The following HIP1 variants were observed in gnomAD, a reference collection of about 807,000 sequenced individuals.
HIP1 encodes the protein huntingtin interacting protein 1.
In HIP1, 65 loss-of-function variants were observed where a neutral mutation model predicts 147.6. The ratio of observed to expected loss-of-function variants is 0.44; its 90% CI spans 0.36 to 0.54. The LOEUF is 0.54. HIP1 is among the 20% of genes least tolerant of loss of function. HIP1 has a pLI of 0.00. For missense variants in HIP1, 1,061 were observed against 1,299.6 expected, an observed-to-expected ratio of 0.82 and a Z score of 2.82; for synonymous variants, 479 against 504.0, an observed-to-expected ratio of 0.95 and a Z score of 0.67.
intron 25 of HIP1, among the ~76,000 whole-genome samples, chr7:75,546,712 G>A (rs587751890): frequency 6.6e-6 from 1 of 152,328 alleles, no homozygotes; most frequent in African/African-American, 2.4e-5. Context: ...TTCCAACAAT[G>A]TCTGCCTGTG....
At chr7:75,625,781 G>C (rs1798013746) in intron 1 of HIP1, 1 of 152,116 alleles carries the variant, frequency 6.6e-6, no homozygotes, top group African/African-American at 2.4e-5. Flanking sequence ...TATAAAAGAG[G>C]CTTTGGAGGC....
intron 1 of HIP1, among the ~76,000 whole-genome samples, chr7:75,657,915 T>A (rs1584926104): frequency 6.6e-6 from 1 of 151,880 alleles, no homozygotes; most frequent in Non-Finnish European, 1.5e-5. Flanking sequence ...CACACGCACA[T>A]ACACATTTAA....
At chr7:75,666,459 C>T (rs559187994) in intron 1 of HIP1, among the ~76,000 whole-genome samples, 5 of 152,160 alleles carry the variant, frequency 3.3e-5, no homozygotes, top group South Asian at 2.1e-4. Flanking sequence ...CGTGAGCCAC[C>T]GTGCCAGGCC....
intron 1 of HIP1, among the ~76,000 whole-genome samples, chr7:75,708,265 T>C (rs958851495): frequency 7.2e-5 from 11 of 152,224 alleles, no homozygotes; most frequent in Non-Finnish European, 2.9e-5. Flanking sequence ...TTATCAGATA[T>C]ATGATATACA....
At chr7:75,719,658 T>G (rs1349984702) in intron 1 of HIP1, among the ~76,000 whole-genome samples, 1 of 152,142 alleles carries the variant, frequency 6.6e-6, no homozygotes, top group Non-Finnish European at 1.5e-5. Context: ...TGGGCTCAAG[T>G]GATCCACTCG....
rs149935447 is a variant in HIP1, at chr7:75,679,747, G to A, written c.120+59054C>T. On this transcript the variant is annotated intron_variant, in intron 1 of 30. Transcript: ENST00000336926. ...CTCAAGGTAGACCCAGCCCCACTTC[G>A]TCCTCTGCACTCTCTCCCTTGGTGG... 1.0e-2 allele frequency among the ~76,000 whole-genome samples: 1,515 copies of A among 151,934 alleles called. 36 individuals carry two copies. The highest frequency in any genetic ancestry group is 0.035 in the African/African-American group (1,450 of 41,416).
chr7:75,710,607 G>T (rs1014104248), intron 1 of HIP1, among the ~76,000 whole-genome samples: 10 of 152,102 alleles, frequency 6.6e-5, no homozygotes, highest in African/African-American at 9.7e-5. Flanking sequence ...ATCTTGTAAA[G>T]CCAGGCATGG....
chr7:75,724,184 T>C (rs957712746), intron 1 of HIP1, among the ~76,000 whole-genome samples: 3 of 151,760 alleles, frequency 2.0e-5, no homozygotes, highest in African/African-American at 7.2e-5. Flanking sequence ...CTCGAACTCC[T>C]GACCTCAGGT....
chr7:75,715,450 G>GAC (rs142882862), intron 1 of HIP1, among the ~76,000 whole-genome samples: 14 of 138,450 alleles, frequency 1.0e-4, no homozygotes, highest in African/African-American at 2.8e-4. Flanking sequence ...GGGAGAGAGA[G>GAC]ACACACACAG....
intron 1 of HIP1, among the ~76,000 whole-genome samples, chr7:75,677,603 T>TAAAA (rs60860713): frequency 1.1e-5 from 1 of 94,498 alleles, no homozygotes; most frequent in Non-Finnish European, 2.0e-5. Context: ...AGACTCCATC[T>TAAAA]AAAAAAAAAA....
At chr7:75,721,982 C>T (rs1554521494) in intron 1 of HIP1, among the ~76,000 whole-genome samples, 1 of 151,864 alleles carries the variant, frequency 6.6e-6, no homozygotes, top group African/African-American at 2.4e-5. Context: ...ACTAGTGTAA[C>T]TGACAGTGTA....
intron 8 of HIP1, among the ~76,000 whole-genome samples, chr7:75,570,629 G>C (rs2116877182): frequency 6.6e-6 from 1 of 152,158 alleles, no homozygotes; most frequent in South Asian, 2.1e-4. Flanking sequence ...ACGAACAAAG[G>C]GAAAATGGAA....
chr7:75,561,644 TG>T (rs1274623661), intron 12 of HIP1, among the ~76,000 whole-genome samples: 2 of 152,270 alleles, frequency 1.3e-5, no homozygotes, highest in East Asian at 3.9e-4. Context: ...TTTTTGTGTG[TG>T]TTTTCGGTTT....
chr7:75,677,603 TA>T (rs60860713), intron 1 of HIP1, among the ~76,000 whole-genome samples: 55,913 of 94,462 alleles, frequency 0.59, 15,664 homozygotes, highest in African/African-American at 0.68. Flanking sequence ...AGACTCCATC[TA>T]AAAAAAAAAA....
At chr7:75,632,762 A>C (rs1051129802) in intron 1 of HIP1, among the ~76,000 whole-genome samples, 2 of 152,110 alleles carry the variant, frequency 1.3e-5, no homozygotes, top group Non-Finnish European at 2.9e-5. Flanking sequence ...TGGACTATGC[A>C]ACTGACCGTA....
chr7:75,572,692 C>A (rs1795689137), intron 8 of HIP1, among the ~76,000 whole-genome samples: 1 of 152,224 alleles, frequency 6.6e-6, no homozygotes, highest in Non-Finnish European at 1.5e-5. Context: ...CAAGTTGTGA[C>A]TGCAGATCTG....
chr7:75,649,974 G>T (rs2117184203), intron 1 of HIP1, among the ~76,000 whole-genome samples: 1 of 152,176 alleles, frequency 6.6e-6, no homozygotes, highest in East Asian at 1.9e-4. Context: ...CCACAGATTT[G>T]ACATCACAGG....
intron 1 of HIP1, among the ~76,000 whole-genome samples, chr7:75,680,130 C>T (rs1800016042): frequency 6.6e-6 from 1 of 152,174 alleles, no homozygotes; most frequent in African/African-American, 2.4e-5. Context: ...GTAACCTCTA[C>T]CTCCTGGGTT....
intron 1 of HIP1, among the ~76,000 whole-genome samples, chr7:75,709,555 A>G (rs1463931179): frequency 6.6e-6 from 1 of 152,176 alleles, no homozygotes; most frequent in Non-Finnish European, 1.5e-5. Flanking sequence ...GAATTTGCTT[A>G]TTGGTTTTAA....
Sources: gnomAD v4.1 joint callset for allele counts (sites outside exome capture counted in the v4.1 genomes callset) on GRCh38, gnomAD v4.1.1 for gene constraint, MANE v1.5 for transcripts, NCBI Gene and HGNC (gene_info 2026-07-23, HGNC 2026-07-21) for gene names.